The following ZBTB49 variants were observed in gnomAD, a reference collection of about 807,000 sequenced individuals.
ZBTB49 encodes the protein zinc finger and BTB domain containing 49, also known as zinc finger and BTB domain-containing protein 49.
A neutral mutation model predicts 57.5 loss-of-function variants in ZBTB49; 43 were observed. The ratio of observed to expected loss-of-function variants is 0.75; its 90% confidence interval spans 0.59 to 0.97. The LOEUF is 0.97. Among genes scored for constraint, ZBTB49 ranks in the 50% least tolerant of loss-of-function variants. The pLI, the probability that ZBTB49 is intolerant of heterozygous loss-of-function variation, is 0.00. For missense variants in ZBTB49, 938 were observed against 947.7 expected, an observed-to-expected ratio of 0.99 and a Z score of 0.13; for synonymous variants, 369 against 362.1, an observed-to-expected ratio of 1.02 and a Z score of -0.22.
At chr4:4,311,390 A>G (rs988416768) in intron 4 of ZBTB49, among the ~76,000 whole-genome samples, 1 of 152,232 alleles carries the variant, frequency 6.6e-6, no homozygotes, top group Non-Finnish European at 1.5e-5. Flanking sequence ...GAAATTTGCA[A>G]GTGACTAATT....
At chr4:4,306,800 G>GTAAC (rs1720753728) in intron 4 of ZBTB49, among the ~76,000 whole-genome samples, 1 of 152,230 alleles carries the variant, frequency 6.6e-6, no homozygotes, top group Non-Finnish European at 1.5e-5. Context: ...GAAACAGAAG[G>GTAAC]TAACTATTCA....
At position 4,321,327 on chromosome 4, in the gene ZBTB49, T is replaced by C; in HGVS notation, c.*11T>C. On this transcript the variant is annotated 3_prime_UTR_variant, in exon 8 of 8. Coordinates refer to ENST00000337872, the MANE Select transcript of ZBTB49 (RefSeq NM_145291.4). ...GAGTTAGACCAGTGATGTACCGCGC[T>C]TCTCCACGGTAGAGGCGTGTTCTCA... 1 of 1,604,432 alleles carries C rather than the reference T, an allele frequency of 6.2e-7. No homozygotes were observed. The highest frequency in any genetic ancestry group is 8.5e-7 in the Non-Finnish European group (1 of 1,178,724).
chr4:4,295,810 A>T (rs1720170704), intron 1 of ZBTB49, among the ~76,000 whole-genome samples: 1 of 152,214 alleles, frequency 6.6e-6, no homozygotes, highest in African/African-American at 2.4e-5. Context: ...TTAGAAACAA[A>T]GCTTTCCATA....
rs114654447 is a variant in ZBTB49 at position 4,305,871 on chromosome 4, C to T, written c.1256-267C>T. On this transcript the variant is annotated intron_variant, in intron 3 of 7. Coordinates refer to ENST00000337872, the MANE Select transcript of ZBTB49 (RefSeq NM_145291.4). ...AGACCACTTCCAGAACGTGGGTCTGCTCTGGATGCAAATAAATACATTGAT... is the reference window on the plus strand; with the variant it reads ...AGACCACTTCCAGAACGTGGGTCTGTTCTGGATGCAAATAAATACATTGAT... 6.2e-3 allele frequency among the ~76,000 whole-genome samples: 949 copies of T among 152,288 alleles called. 4 individuals carry two copies. Among genetic ancestry groups the T allele is most frequent in the Non-Finnish European group, 8.5e-3 (581 of 68,018 alleles).
Position 4,302,384 on chromosome 4 carries a change from G to A in ZBTB49, c.548G>A (p.Arg183His), listed in dbSNP as rs759563766. 10 of 1,614,192 alleles carry A rather than the reference G, an allele frequency of 6.2e-6. No homozygotes were observed. The highest frequency in any genetic ancestry group is 3.3e-5 in the Admixed American group (2 of 60,026). ...CCGCATGCTTCACCATCAGTTAATCGTCATCACTCCGCAGGTGAAATCTCA... is the reference window on the plus strand; with the variant it reads ...CCGCATGCTTCACCATCAGTTAATCATCATCACTCCGCAGGTGAAATCTCA... ...SHPHASPSVN[R>H]HHSAGEISKQ... The change falls in exon 3 of 8, where the codon CGT (arginine) becomes CAT (histidine). Residue 183 changes from arginine (R) to histidine (H), a missense_variant. By Grantham distance (29) the Arg-to-His change is conservative. Coordinates refer to ENST00000337872, the MANE Select transcript of ZBTB49 (RefSeq NM_145291.4).
chr4:4,306,728 C>T (rs1345103904), intron 4 of ZBTB49, among the ~76,000 whole-genome samples: 1 of 152,198 alleles, frequency 6.6e-6, no homozygotes, highest in East Asian at 1.9e-4. Flanking sequence ...GGGCATGGGA[C>T]ACAAAGAAAC....
chr4:4,292,965 A>G (rs1037031518), intron 1 of ZBTB49, among the ~76,000 whole-genome samples: 3 of 151,858 alleles, frequency 2.0e-5, no homozygotes, highest in African/African-American at 7.3e-5. Context: ...CCATATTTTC[A>G]TTTTTTGACG....
Position 4,302,570 on chromosome 4 carries a change from C to T in ZBTB49, c.734C>T (p.Thr245Ile). 1 of 1,613,986 alleles carries T rather than the reference C, an allele frequency of 6.2e-7. No homozygotes were observed. The highest frequency in any genetic ancestry group is 2.2e-5 in the East Asian group (1 of 44,886). Reference protein sequence around the residue: ...RVVEQPFAFSTSTDLTTVESQ... With the variant: ...RVVEQPFAFSISTDLTTVESQ... ...GTTGAGCAGCCTTTTGCTTTCAGCA[C>T]CTCTACAGACCTTACCACGGTAGAG... is the stretch of plus-strand genomic sequence containing the variant. The change falls in exon 3 of 8, where the codon ACC (threonine) becomes ATC (isoleucine). Residue 245 changes from threonine to isoleucine, a missense_variant. Physicochemically the swap from Thr to Ile is moderately conservative, Grantham distance 89. This residue lies in a region of ZBTB49 where 835 missense variants were observed against 819.1 expected (regional missense o/e 1.02). Coordinates refer to ENST00000337872, the MANE Select transcript of ZBTB49 (RefSeq NM_145291.4).
rs1161341738 is a variant in ZBTB49, at chr4:4,302,396, C to G, written c.560C>G (p.Ala187Gly). The G allele has an allele frequency of 9.3e-6, 15 of 1,614,130 alleles. No homozygotes were observed. The highest frequency in any genetic ancestry group is 1.3e-5 in the African/African-American group (1 of 74,944). ...ASPSVNRHHS[A>G]GEISKQAPDT... ...CCATCAGTTAATCGTCATCACTCCGCAGGTGAAATCTCAAAACAAGCTCCT... is the reference window on the plus strand; with the variant it reads ...CCATCAGTTAATCGTCATCACTCCGGAGGTGAAATCTCAAAACAAGCTCCT... The change falls in exon 3 of 8, where the codon GCA becomes GGA. Residue 187 changes from alanine (A) to glycine (G), a missense_variant. Coordinates refer to ENST00000337872, the MANE Select transcript of ZBTB49 (RefSeq NM_145291.4).
At chr4:4,311,053 A>G (rs1309433236) in intron 4 of ZBTB49, among the ~76,000 whole-genome samples, 1 of 152,130 alleles carries the variant, frequency 6.6e-6, no homozygotes. Flanking sequence ...CTGCTTTTAT[A>G]TTATTTATCA....
chr4:4,305,789 C>G (rs1382551895), intron 3 of ZBTB49, among the ~76,000 whole-genome samples: 1 of 152,156 alleles, frequency 6.6e-6, no homozygotes, highest in Non-Finnish European at 1.5e-5. Context: ...TGGCATCAGG[C>G]TGAAGAATAG....
intron 4 of ZBTB49, 117 bp from the exon 5 acceptor site, chr4:4,312,924 C>A (rs1721035724): frequency 2.6e-6 from 3 of 1,143,244 alleles, no homozygotes; most frequent in African/African-American, 1.6e-5. Context: ...AGCTCATCTT[C>A]ATCTGGAATT....
At chr4:4,316,203 A>G (rs1721190367) in intron 7 of ZBTB49, among the ~76,000 whole-genome samples, 1 of 152,226 alleles carries the variant, frequency 6.6e-6, no homozygotes, top group Non-Finnish European at 1.5e-5. Context: ...TGACTAAGAC[A>G]GAGTCCCAGG....
At chr4:4,312,702 A>G (rs16835562) in intron 4 of ZBTB49, among the ~76,000 whole-genome samples, 10,951 of 152,278 alleles carry the variant, frequency 0.072, 981 homozygotes, top group East Asian at 0.33. Flanking sequence ...AAATACATCA[A>G]GGCCTATTTA....
chr4:4,309,465 G>A (rs972917454), intron 4 of ZBTB49, among the ~76,000 whole-genome samples: 20 of 152,286 alleles, frequency 1.3e-4, no homozygotes, highest in African/African-American at 4.6e-4. Context: ...AGTTTTGAGC[G>A]CTTGTCATTT....
At position 4,302,585 on chromosome 4, in the gene ZBTB49, C is replaced by A. The variant is rs779134637; in HGVS notation, c.749C>A (p.Thr250Asn). ...GCTTTCAGCACCTCTACAGACCTTA[C>A]CACGGTAGAGAGCCAGCCTTGTGCC... ...PFAFSTSTDL[T>N]TVESQPCAVS... Residue 250 changes from threonine (T) to asparagine (N), a missense_variant, in exon 3 of 8, where the codon ACC becomes AAC. Physicochemically the swap from Thr to Asn is moderately conservative, Grantham distance 65 (BLOSUM62 0). Around this residue, in one of 3 missense-constraint regions of ZBTB49, gnomAD observed 835 missense variants for 819.1 expected, o/e 1.02. Transcript: ENST00000337872. 14 of 1,613,866 alleles carry A rather than the reference C, an allele frequency of 8.7e-6. No individual in the cohort carries two copies. Among genetic ancestry groups the A allele is most frequent in the Non-Finnish European group, 1.2e-5 (14 of 1,179,980 alleles).
At chr4:4,293,539 G>A (rs944187836) in intron 1 of ZBTB49, among the ~76,000 whole-genome samples, 1 of 152,158 alleles carries the variant, frequency 6.6e-6, no homozygotes, top group Non-Finnish European at 1.5e-5. Flanking sequence ...CTCTGTATAT[G>A]GTCAGGTTTT....
chr4:4,320,606 T>A (rs549736766), intron 7 of ZBTB49, 34 bp from the exon 8 acceptor site: 3 of 1,612,058 alleles, frequency 1.9e-6, no homozygotes. Context: ...GAGACCCTGT[T>A]TAAGTAAATA....
At chr4:4,321,781 ATATT>A (rs1163934892) in exon 8 of ZBTB49, 87 of 172,136 alleles carry the variant, frequency 5.1e-4, no homozygotes, top group African/African-American at 2.0e-3. Flanking sequence ...ACTTTTCTAT[ATATT>A]ATATGTTTCC....
Sources: allele counts gnomAD v4.1 joint callset (sites outside exome capture counted in the v4.1 genomes callset), GRCh38; gene constraint gnomAD v4.1.1; regional missense constraint gnomAD v4.1.1; transcripts MANE v1.5; gene names NCBI Gene and HGNC (gene_info 2026-07-23, HGNC 2026-07-21).